The following GPR171 variants were observed in gnomAD, a reference collection of about 807,000 sequenced individuals.
The protein encoded by GPR171 is F730001G15Rik.
In GPR171, 14 loss-of-function variants were observed where a neutral mutation model predicts 16.7. The observed-to-expected ratio is 0.84, with a 90% CI of 0.55 to 1.31. GPR171 has a LOEUF of 1.31. Ranked by LOEUF, GPR171 falls within the 40% of genes most tolerant of loss-of-function variation. The pLI, the probability that GPR171 is intolerant of heterozygous loss-of-function variation, is 0.00. For synonymous variants in GPR171, 134 were observed against 135.6 expected, an observed-to-expected ratio of 0.99 and a Z score of 0.08; for missense variants, 337 against 378.9, an observed-to-expected ratio of 0.89 and a Z score of 0.92.
chr3:151,199,057 A>C lies in GPR171; in HGVS notation c.330T>G (p.Ile110Met). ...TGTGTGTCAGCTGAAGACAGCGGTCAATGCTGACAAATGCTAAGAAGATAA... is the reference window on the plus strand; with the variant it reads ...TGTGTGTCAGCTGAAGACAGCGGTCCATGCTGACAAATGCTAAGAAGATAA... ...LSIIFLAFVS[I>M]DRCLQLTHSC... is the part of the protein sequence containing the mutation. The change falls in exon 3 of 3, where the codon ATT becomes ATG. Residue 110 changes from isoleucine (I) to methionine (M), a missense_variant. Coordinates refer to ENST00000309180, the MANE Select transcript of GPR171 (RefSeq NM_013308.4). The C allele has an allele frequency of 1.2e-6, 2 of 1,614,050 alleles. No individual in the cohort carries two copies. The highest frequency in any genetic ancestry group is 1.7e-6 in the Non-Finnish European group (2 of 1,179,906).
chr3:151,199,904 A>AG (rs1277543484), intron 2 of GPR171, among the ~76,000 whole-genome samples: 1 of 152,072 alleles, frequency 6.6e-6, no homozygotes, highest in Non-Finnish European at 1.5e-5. Flanking sequence ...CCAGGCTGAC[A>AG]GGGGAAGTAA....
chr3:151,200,713 T>C (rs2149146842), intron 2 of GPR171, among the ~76,000 whole-genome samples, 196 bp downstream of exon 2: 1 of 152,368 alleles, frequency 6.6e-6, no homozygotes, highest in South Asian at 2.1e-4. Context: ...CCTACCTGAG[T>C]TAGCACGTTA....
In GPR171 at chr3:151,198,999, A is replaced by G; in HGVS notation, c.388T>C (p.Phe130Leu). 1 of 1,614,096 alleles carries G rather than the reference A, an allele frequency of 6.2e-7. No homozygotes were observed. Residue 130 changes from phenylalanine (F) to leucine (L), a missense_variant, in exon 3 of 3, where the codon TTT becomes CTT. Coordinates refer to ENST00000309180, the MANE Select transcript of GPR171 (RefSeq NM_013308.4). ...ACAACGGTTGATATCATTTTGGCAA[A>G]TCCGGGTTCTTGTATTCGGTAGATC... is the stretch of plus-strand genomic sequence containing the variant. ...CKIYRIQEPGFAKMISTVVWL... is the reference protein window; with the variant it reads ...CKIYRIQEPGLAKMISTVVWL...
At chr3:151,200,267 T>C (rs1407496336) in intron 2 of GPR171, among the ~76,000 whole-genome samples, 2 of 152,174 alleles carry the variant, frequency 1.3e-5, no homozygotes. Context: ...GTTAAACTGA[T>C]AGGGCTCCCT....
Position 151,199,049 on chromosome 3 carries a change from C to G in GPR171, c.338G>C (p.Cys113Ser). 1.2e-6 allele frequency: 2 copies of G among 1,614,118 alleles called. No individual in the cohort carries two copies. The highest frequency in any genetic ancestry group is 1.7e-6 in the Non-Finnish European group (2 of 1,179,992). The change falls in exon 3 of 3, where the codon TGT (cysteine) becomes TCT (serine). Residue 113 changes from cysteine to serine, a missense_variant. Physicochemically the swap from Cys to Ser is moderately radical, Grantham distance 112. Coordinates refer to ENST00000309180, the MANE Select transcript of GPR171 (RefSeq NM_013308.4). ...IFLAFVSIDR[C>S]LQLTHSCKIY... ...CTTGCAGCTGTGTGTCAGCTGAAGACAGCGGTCAATGCTGACAAATGCTAA... is the reference window on the plus strand; with the variant it reads ...CTTGCAGCTGTGTGTCAGCTGAAGAGAGCGGTCAATGCTGACAAATGCTAA...
intron 1 of GPR171, among the ~76,000 whole-genome samples, chr3:151,202,191 G>A (rs1725707232): frequency 6.6e-6 from 1 of 152,108 alleles, no homozygotes. Flanking sequence ...GTAAATTAGA[G>A]GTTAAAATAT....
intron 1 of GPR171, among the ~76,000 whole-genome samples, chr3:151,202,864 C>T (rs1015297888): frequency 6.6e-6 from 1 of 152,120 alleles, no homozygotes; most frequent in East Asian, 1.9e-4. Context: ...TAGTTATGCT[C>T]GCTCAGGTAT....
intron 1 of GPR171, among the ~76,000 whole-genome samples, chr3:151,202,266 CCAGA>C (rs1414849831): frequency 6.6e-6 from 1 of 152,304 alleles, no homozygotes; most frequent in African/African-American, 2.4e-5. Flanking sequence ...AAATATTTTA[CCAGA>C]CAGTTACTTA....
intron 1 of GPR171, among the ~76,000 whole-genome samples, chr3:151,202,676 A>G (rs1725793959): frequency 6.6e-6 from 1 of 152,222 alleles, no homozygotes; most frequent in Non-Finnish European, 1.5e-5. Flanking sequence ...CAAAAACAAA[A>G]CAAAACAAAA....
chr3:151,199,655 GT>G (rs1021091116), intron 2 of GPR171, among the ~76,000 whole-genome samples: 1 of 151,542 alleles, frequency 6.6e-6, no homozygotes, highest in Non-Finnish European at 1.5e-5. Flanking sequence ...TCCCATGCAG[GT>G]TTGCTTTTGG....
intron 1 of GPR171, among the ~76,000 whole-genome samples, chr3:151,202,865 G>A (rs866358420): frequency 6.6e-5 from 10 of 152,116 alleles, no homozygotes; most frequent in South Asian, 4.1e-4. Flanking sequence ...AGTTATGCTC[G>A]CTCAGGTATT....
At chr3:151,201,237 T>C in intron 1 of GPR171, among the ~76,000 whole-genome samples, 1 of 152,156 alleles carries the variant, frequency 6.6e-6, no homozygotes, top group Non-Finnish European at 1.5e-5. Context: ...TCTCTCTCTC[T>C]CTCTCTCTCA....
intron 1 of GPR171, among the ~76,000 whole-genome samples, chr3:151,201,223 A>T (rs61112437): frequency 0.018 from 2,616 of 147,966 alleles, 79 homozygotes; most frequent in African/African-American, 0.06. Context: ...ACGTGCACAC[A>T]CTCTCTCTCT....
At position 151,198,197 on chromosome 3, in the gene GPR171, CTT is replaced by C; in HGVS notation, c.*228_*229del. On this transcript the variant is annotated 3_prime_UTR_variant, in exon 3 of 3. Coordinates refer to ENST00000309180, the MANE Select transcript of GPR171 (RefSeq NM_013308.4). ...GATTTTACATTCGTTCAATGAGACT[CTT>C]TAGTTTTTTGTACAAATATTTGGGT... The C allele has an allele frequency of 5.2e-6, 2 of 386,258 alleles. No individual in the cohort carries two copies. Among genetic ancestry groups the C allele is most frequent in the Non-Finnish European group, 4.6e-6 (1 of 216,754 alleles). The allele number at this position is 386,258 out of a possible 1,614,324, so 23.9% of individuals were successfully genotyped here.
chr3:151,198,555 G>C lies in GPR171; in HGVS notation c.832C>G (p.Leu278Val). ...TAGTACAGGATAGGATCAAAGCACAGGTTCGACACAGCCAGGAGCAGTGTA... is the reference window on the plus strand; with the variant it reads ...TAGTACAGGATAGGATCAAAGCACACGTTCGACACAGCCAGGAGCAGTGTA... ...EATLLLAVSN[L>V]CFDPILYYHL... Residue 278 changes from leucine to valine, a missense_variant, in exon 3 of 3, where the codon CTG becomes GTG. By Grantham distance (32) the Leu-to-Val change is conservative. Coordinates refer to ENST00000309180, the MANE Select transcript of GPR171 (RefSeq NM_013308.4). 1 of 1,614,084 alleles carries C rather than the reference G, an allele frequency of 6.2e-7. No homozygotes were observed. The highest frequency in any genetic ancestry group is 8.5e-7 in the Non-Finnish European group (1 of 1,179,966).
At chr3:151,201,128 A>G (rs1290208753) in intron 1 of GPR171, 131 bp from the exon 2 acceptor site, 2 of 152,194 alleles carry the variant, frequency 1.3e-5, no homozygotes, top group African/African-American at 2.4e-5. Context: ...ATAAAGCTGA[A>G]ATAAACTATT....
Position 151,198,357 on chromosome 3 carries a change from A to G in GPR171, c.*70T>C, listed in dbSNP as rs200325714. 2 of 732,414 alleles carry G rather than the reference A, an allele frequency of 2.7e-6. No individual in the cohort carries two copies. Among genetic ancestry groups the G allele is most frequent in the Non-Finnish European group, 3.6e-6 (2 of 549,674 alleles). The allele number at this position is 732,414 out of a possible 1,614,324, so 45.4% of individuals were successfully genotyped here. ...GTTTTTTTTTGTTTTTTTTTTTTTT[A>G]TCTTTCAAAGCTATAATTAACTTTA... On this transcript the variant is annotated 3_prime_UTR_variant, in exon 3 of 3. Coordinates refer to ENST00000309180, the MANE Select transcript of GPR171 (RefSeq NM_013308.4).
At chr3:151,200,147 A>G (rs1725329989) in intron 2 of GPR171, among the ~76,000 whole-genome samples, 1 of 151,742 alleles carries the variant, frequency 6.6e-6, no homozygotes, top group Admixed American at 6.6e-5. Context: ...TTAAAAGCCC[A>G]GAAGCATAAG....
chr3:151,200,667 A>G (rs1280922975), intron 2 of GPR171, among the ~76,000 whole-genome samples: 1 of 152,160 alleles, frequency 6.6e-6, no homozygotes, highest in Non-Finnish European at 1.5e-5. Context: ...TTCTAAATTC[A>G]AGTGCTGCTT....
Sources: allele counts gnomAD v4.1 joint callset (sites outside exome capture counted in the v4.1 genomes callset), GRCh38; gene constraint gnomAD v4.1.1; transcripts MANE v1.5; gene names NCBI Gene and HGNC (gene_info 2026-07-23, HGNC 2026-07-21).